The following CRCT1 variants were observed in gnomAD, a reference collection of about 807,000 sequenced individuals.
The protein encoded by CRCT1 is cysteine rich C-terminal 1, also known as cysteine-rich C-terminal protein 1.
For synonymous variants in CRCT1, 86 were observed against 60.3 expected, an observed-to-expected ratio of 1.43 and a Z score of -1.98; for missense variants, 160 against 136.3, an observed-to-expected ratio of 1.17 and a Z score of -0.87.
In CRCT1 at chr1:152,515,799, G is replaced by T; in HGVS notation, c.*116G>T. On this transcript the variant is annotated 3_prime_UTR_variant, in exon 2 of 2. Coordinates refer to ENST00000368790, the MANE Select transcript of CRCT1 (RefSeq NM_019060.3). ...CGGAGTTTGCCCCGTAAAGCGAATT[G>T]CACTTTGATGTTCAGAAACCCACTT... 3.6e-6 allele frequency: 5 copies of T among 1,399,596 alleles called. No homozygotes were observed. Among genetic ancestry groups the T allele is most frequent in the Non-Finnish European group, 4.7e-6 (5 of 1,071,588 alleles). 86.7% of individuals were successfully genotyped at this position (1,399,596 alleles called of 1,614,324 possible).
intron 1 of CRCT1, 31 bp from the exon 2 acceptor site, chr1:152,515,331 G>T (rs1321146276): frequency 9.5e-6 from 14 of 1,472,342 alleles, no homozygotes; most frequent in Non-Finnish European, 1.3e-5. Flanking sequence ...GAAAAAGCCG[G>T]CTCGCCTTTG....
rs574873305 is a variant in CRCT1, at chr1:152,515,435, T to C, written c.52T>C (p.Ser18Pro). 1 of 1,596,840 alleles carries C rather than the reference T, an allele frequency of 6.3e-7. No homozygotes were observed. The highest frequency in any genetic ancestry group is 1.7e-5 in the Admixed American group (1 of 58,282). The change falls in exon 2 of 2, where the codon TCC becomes CCC. Residue 18 changes from serine to proline, a missense_variant. Transcript: ENST00000368790. ...CGCCAAAGGCTTTTCCAAGGGGTCG[T>C]CCCAGGGCCCCGCTCCGTGTCCCGC... Reference protein sequence around the residue: ...VSAKGFSKGSSQGPAPCPAPA... With the variant: ...VSAKGFSKGSPQGPAPCPAPA...
In CRCT1 at chr1:152,515,755, C is replaced by A. The variant is rs1034240832; in HGVS notation, c.*72C>A. ...AGAGCGGGCCCGCCCCGCTGCGGCT[C>A]CCACGCGGGGCTGGGCCTCGGAGTT... On this transcript the variant is annotated 3_prime_UTR_variant, in exon 2 of 2. Transcript: ENST00000368790. 2.1e-6 allele frequency: 3 copies of A among 1,411,622 alleles called. No homozygotes were observed. The African/African-American group carries it at 4.6e-5, about 21-fold the overall frequency. 87.4% of individuals were successfully genotyped at this position (1,411,622 alleles called of 1,614,324 possible). A position where few individuals can be genotyped will look rare whatever the true frequency, so the allele number is the denominator to read the frequency against.
In CRCT1 at chr1:152,515,874, G is replaced by A. The variant is rs1237913736; in HGVS notation, c.*191G>A. 5 of 993,472 alleles carry A rather than the reference G, an allele frequency of 5.0e-6. No individual in the cohort carries two copies. Among genetic ancestry groups the A allele is most frequent in the Non-Finnish European group, 7.0e-6 (5 of 711,232 alleles). The allele number at this position is 993,472 out of a possible 1,614,324, so 61.5% of individuals were successfully genotyped here. On this transcript the variant is annotated 3_prime_UTR_variant, in exon 2 of 2. Coordinates refer to ENST00000368790, the MANE Select transcript of CRCT1 (RefSeq NM_019060.3). ...TGACCCCGATGTGATTTTTCTCCCC[G>A]GGGATTCGAGAGCCATGCGTGGGAC... is the stretch of plus-strand genomic sequence containing the variant.
chr1:152,515,694 A>T lies in CRCT1; in HGVS notation c.*11A>T, dbSNP rs1053935833. The T allele has an allele frequency of 1.6e-5, 24 of 1,490,110 alleles. No homozygotes were observed. Among genetic ancestry groups the T allele is most frequent in the Non-Finnish European group, 2.1e-5 (24 of 1,117,458 alleles). 92.3% of individuals were successfully genotyped at this position (1,490,110 alleles called of 1,614,324 possible). On this transcript the variant is annotated 3_prime_UTR_variant, in exon 2 of 2. Transcript: ENST00000368790. ...TGCTCCGGCTGCTGAGAGGCCCGCA[A>T]CCCCCAGCGCTGCGCTAGAGAAACC...
In CRCT1 at chr1:152,515,595, G is replaced by C. The variant is rs752251956; in HGVS notation, c.212G>C (p.Arg71Pro). ...TTCCCAAGGAGACGCCGCCGACAGC[G>C]GAGTAGTGGTTGCTGCTGCTGCGGG... ...CCFPRRRRRQ[R>P]SSGCCCCGGG... is the part of the protein sequence containing the mutation. The change falls in exon 2 of 2, where the codon CGG becomes CCG. Residue 71 changes from arginine (R) to proline (P), a missense_variant. Transcript: ENST00000368790. 1.9e-6 allele frequency: 3 copies of C among 1,592,058 alleles called. No homozygotes were observed. The highest frequency in any genetic ancestry group is 1.7e-6 in the Non-Finnish European group (2 of 1,174,268).
rs765068268 is a variant in CRCT1 at position 152,515,511 on chromosome 1, G to T, written c.128G>T (p.Gly43Val). 3 of 1,595,602 alleles carry T rather than the reference G, an allele frequency of 1.9e-6. No homozygotes were observed. In the South Asian group the frequency reaches 3.3e-5, roughly 18 times the overall value. Residue 43 changes from glycine to valine, a missense_variant, in exon 2 of 2, where the codon GGC becomes GTC. By Grantham distance (109) the Gly-to-Val change is moderately radical. Coordinates refer to ENST00000368790, the MANE Select transcript of CRCT1 (RefSeq NM_019060.3). Reference protein sequence around the residue: ...PASSSSCCGSGRGCCGDSGCC... With the variant: ...PASSSSCCGSVRGCCGDSGCC... ...TCCTCCTCCTCCTGCTGCGGCTCCG[G>T]CAGGGGCTGCTGCGGCGACTCAGGC...
rs767568652 is a variant in CRCT1 at position 152,515,730 on chromosome 1, A to T, written c.*47A>T. On this transcript the variant is annotated 3_prime_UTR_variant, in exon 2 of 2. Transcript: ENST00000368790. ...TGCGCTAGAGAAACCCGCCCAGCCC[A>T]GAGCGGGCCCGCCCCGCTGCGGCTC... The T allele has an allele frequency of 3.7e-5, 53 of 1,425,550 alleles. No homozygotes were observed. The African/African-American group carries it at 7.5e-4, about 20-fold the overall frequency. 88.3% of individuals were successfully genotyped at this position (1,425,550 alleles called of 1,614,324 possible).
chr1:152,514,666 C>G (rs1340619489), intron 1 of CRCT1, 114 bp downstream of exon 1: 3 of 152,206 alleles, frequency 2.0e-5, no homozygotes, highest in Non-Finnish European at 2.9e-5. Context: ...CGCAAGGCAC[C>G]TACGCTTCTA....
In CRCT1 at chr1:152,515,548, C is replaced by A. The variant is rs747850315; in HGVS notation, c.165C>A (p.Ser55=). Reference sequence around the variant, plus strand: ...GCGGCGACTCAGGCTGCTGCGGCTCCAGCTCCACCAGTTGCTGCTGCTTCC... The same window carrying A: ...GCGGCGACTCAGGCTGCTGCGGCTCAAGCTCCACCAGTTGCTGCTGCTTCC... ...GCCGDSGCCG[S]SSTSCCCFPR... Residue 55 remains serine, a synonymous_variant, in exon 2 of 2, where the codon TCC becomes TCA. Transcript: ENST00000368790. The A allele has an allele frequency of 8.1e-6, 13 of 1,595,594 alleles. No individual in the cohort carries two copies. The Admixed American group carries it at 2.2e-4, about 27-fold the overall frequency.
In CRCT1 at chr1:152,515,673, C is replaced by A; in HGVS notation, c.290C>A (p.Ser97Tyr). 6.5e-7 allele frequency: 1 copy of A among 1,528,456 alleles called. No homozygotes were observed. The highest frequency in any genetic ancestry group is 2.0e-5 in the Admixed American group (1 of 49,916). The allele number at this position is 1,528,456 out of a possible 1,614,324, so 94.7% of individuals were successfully genotyped here. ...AACAACCGGAGCTCAGGATGCTGCT[C>A]CGGCTGCTGAGAGGCCCGCAACCCC... The part of the protein sequence containing the change: ...RSNNRSSGCC[S>Y]GC The change falls in exon 2 of 2, where the codon TCC becomes TAC. Residue 97 changes from serine to tyrosine, a missense_variant. Coordinates refer to ENST00000368790, the MANE Select transcript of CRCT1 (RefSeq NM_019060.3).
In CRCT1 at chr1:152,515,477, G is replaced by GCGCCCACCCCGT; in HGVS notation, c.99_100insACCCCGTCGCCC (p.Pro33_Ala34insThrProSerPro). 1 of 1,601,300 alleles carries GCGCCCACCCCGT rather than the reference G, an allele frequency of 6.2e-7. No individual in the cohort carries two copies. The highest frequency in any genetic ancestry group is 8.5e-7 in the Non-Finnish European group (1 of 1,176,922). On this transcript the variant is annotated inframe_insertion, in exon 2 of 2. Transcript: ENST00000368790. The stretch of plus-strand genomic sequence containing the variant: ...GTGTCCCGCCCCGGCGCCCACCCCG[G>GCGCCCACCCCGT]CGCCCGCCTCCTCCTCCTCCTGCTG...
rs375694616 is a variant in CRCT1 at position 152,515,389 on chromosome 1, C to T, written c.6C>T (p.Ser2=). The T allele has an allele frequency of 1.3e-5, 20 of 1,542,764 alleles. No individual in the cohort carries two copies. The East Asian group carries it at 4.1e-4, about 32-fold the overall frequency. Residue 2 remains serine, a synonymous_variant, in exon 2 of 2, where the codon TCC becomes TCT. Transcript: ENST00000368790. M[S]SQQSAVSAKG... ...TTGTCGTGAGGAGCTCCGCGATGTCCTCTCAACAGAGCGCCGTTTCCGCCA... is the reference window on the plus strand; with the variant it reads ...TTGTCGTGAGGAGCTCCGCGATGTCTTCTCAACAGAGCGCCGTTTCCGCCA...
chr1:152,515,750 C>T lies in CRCT1; in HGVS notation c.*67C>T, dbSNP rs959707854. On this transcript the variant is annotated 3_prime_UTR_variant, in exon 2 of 2. Transcript: ENST00000368790. ...AGCCCAGAGCGGGCCCGCCCCGCTG[C>T]GGCTCCCACGCGGGGCTGGGCCTCG... The T allele has an allele frequency of 5.7e-6, 8 of 1,410,198 alleles. No homozygotes were observed. In the African/African-American group the frequency reaches 7.6e-5, roughly 13 times the overall value. 87.4% of individuals were successfully genotyped at this position (1,410,198 alleles called of 1,614,324 possible). A position where few individuals can be genotyped will look rare whatever the true frequency, so the allele number is the denominator to read the frequency against.
Position 152,515,745 on chromosome 1 carries a change from C to T in CRCT1, c.*62C>T. 2 of 1,408,990 alleles carry T rather than the reference C, an allele frequency of 1.4e-6. No homozygotes were observed. Among genetic ancestry groups the T allele is most frequent in the Non-Finnish European group, 1.8e-6 (2 of 1,081,862 alleles). 87.3% of individuals were successfully genotyped at this position (1,408,990 alleles called of 1,614,324 possible). On this transcript the variant is annotated 3_prime_UTR_variant, in exon 2 of 2. Coordinates refer to ENST00000368790, the MANE Select transcript of CRCT1 (RefSeq NM_019060.3). ...CGCCCAGCCCAGAGCGGGCCCGCCC[C>T]GCTGCGGCTCCCACGCGGGGCTGGG...
rs746392489 is a variant in CRCT1 at position 152,515,514 on chromosome 1, G to GGGGCTGCTGCGGCGACTC, written c.132_149dup (p.Asp49_Gly54dup). On this transcript the variant is annotated inframe_insertion, in exon 2 of 2. Transcript: ENST00000368790. ...TCCTCCTCCTGCTGCGGCTCCGGCAGGGGCTGCTGCGGCGACTCAGGCTGC... is the reference window on the plus strand; with the variant it reads ...TCCTCCTCCTGCTGCGGCTCCGGCAGGGGCTGCTGCGGCGACTCGGGCTGCTGCGGCGACTCAGGCTGC... The GGGGCTGCTGCGGCGACTC allele has an allele frequency of 1.7e-4, 265 of 1,595,924 alleles. 5 individuals carry two copies. The East Asian group carries it at 5.3e-3, about 32-fold the overall frequency.
chr1:152,515,430 G>A lies in CRCT1; in HGVS notation c.47G>A (p.Gly16Glu), dbSNP rs1268014874. ...SAVSAKGFSK[G>E]SSQGPAPCPA... is the part of the protein sequence containing the mutation. ...GTTTCCGCCAAAGGCTTTTCCAAGG[G>A]GTCGTCCCAGGGCCCCGCTCCGTGT... Residue 16 changes from glycine to glutamate, a missense_variant, in exon 2 of 2, where the codon GGG (glycine) becomes GAG (glutamate). Transcript: ENST00000368790. 6.3e-7 allele frequency: 1 copy of A among 1,584,238 alleles called. No homozygotes were observed. The highest frequency in any genetic ancestry group is 8.6e-7 in the Non-Finnish European group (1 of 1,168,870).
chr1:152,515,301 C>T, intron 1 of CRCT1, 61 bp from the exon 2 acceptor site: 1 of 1,378,058 alleles, frequency 7.3e-7, no homozygotes, highest in Non-Finnish European at 9.7e-7. Context: ...AAAGCCCAGA[C>T]AGAGTTCCAT....
At position 152,515,697 on chromosome 1, in the gene CRCT1, C is replaced by A. The variant is rs1011668697; in HGVS notation, c.*14C>A. ...TCCGGCTGCTGAGAGGCCCGCAACC[C>A]CCAGCGCTGCGCTAGAGAAACCCGC... On this transcript the variant is annotated 3_prime_UTR_variant, in exon 2 of 2. Coordinates refer to ENST00000368790, the MANE Select transcript of CRCT1 (RefSeq NM_019060.3). The A allele has an allele frequency of 1.4e-6, 2 of 1,480,716 alleles. No homozygotes were observed. The highest frequency in any genetic ancestry group is 2.3e-5 in the Admixed American group (1 of 42,744). 91.7% of individuals were successfully genotyped at this position (1,480,716 alleles called of 1,614,324 possible). A position where few individuals can be genotyped will look rare whatever the true frequency, so the allele number is the denominator to read the frequency against.
Sources: gnomAD v4.1 joint callset for allele counts on GRCh38, gnomAD v4.1.1 for gene constraint, MANE v1.5 for transcripts, NCBI Gene and HGNC (gene_info 2026-07-23, HGNC 2026-07-21) for gene names.